Variants in HS3ST5 observed in about 807,000 individuals in gnomAD.
HS3ST5 encodes the protein heparan sulfate glucosamine 3-O-sulfotransferase 5.
A neutral mutation model predicts 25.4 loss-of-function variants in HS3ST5; 10 were observed. The ratio of observed to expected loss-of-function variants is 0.39; its 90% CI spans 0.24 to 0.67. The LOEUF is 0.67. Ranked by LOEUF, HS3ST5 falls within the 30% of genes least tolerant of loss-of-function variation. HS3ST5 has a pLI of 0.44. For missense variants in HS3ST5, 324 were observed against 420.7 expected, an observed-to-expected ratio of 0.77 and a Z score of 2.01; for synonymous variants, 170 against 162.4, an observed-to-expected ratio of 1.05 and a Z score of -0.36.
chr6:114,333,344 C>A (rs1432923199), intron 1 of HS3ST5, among the ~76,000 whole-genome samples: 3 of 152,076 alleles, frequency 2.0e-5, no homozygotes, highest in Non-Finnish European at 4.4e-5. Context: ...ACTGCCAATA[C>A]AGAAGAGCAA....
chr6:114,091,633 G>A (rs997468976), intron 3 of HS3ST5, among the ~76,000 whole-genome samples: 2 of 152,084 alleles, frequency 1.3e-5, no homozygotes, highest in East Asian at 3.9e-4. Context: ...GCTGTGAGCC[G>A]AGATTGCGCC....
In HS3ST5 at chr6:114,314,359, C is replaced by T. The variant is rs532905826; in HGVS notation, c.-339+27836G>A. ...TAACAACCACTACTTTAGACATAGACACAAATGATTCCTAAGCTAAGACAT... is the reference window on the plus strand; with the variant it reads ...TAACAACCACTACTTTAGACATAGATACAAATGATTCCTAAGCTAAGACAT... On this transcript the variant is annotated intron_variant, in intron 1 of 4. Transcript: ENST00000312719. Among the ~76,000 whole-genome samples, 48 of 152,286 alleles carry T rather than the reference C, an allele frequency of 3.2e-4. No individual in the cohort carries two copies. In the South Asian group the frequency reaches 8.7e-3, roughly 28 times the overall value.
chr6:114,285,986 A>G (rs1401119216), intron 1 of HS3ST5, among the ~76,000 whole-genome samples: 2 of 151,940 alleles, frequency 1.3e-5, no homozygotes, highest in Admixed American at 1.3e-4. Flanking sequence ...ATTAAAAAAA[A>G]TCGAAATATA....
chr6:114,063,723 GA>G (rs1275276130), intron 3 of HS3ST5, among the ~76,000 whole-genome samples: 1 of 152,162 alleles, frequency 6.6e-6, no homozygotes, highest in Non-Finnish European at 1.5e-5. Context: ...GATACTTACT[GA>G]AGTTATCAGT....
chr6:114,186,024 C>A (rs1780201338), intron 2 of HS3ST5, among the ~76,000 whole-genome samples: 1 of 152,026 alleles, frequency 6.6e-6, no homozygotes, highest in Non-Finnish European at 1.5e-5. Flanking sequence ...AGGCAGAGAA[C>A]TTAATCAATA....
chr6:114,139,799 A>G (rs1229338252), intron 3 of HS3ST5, among the ~76,000 whole-genome samples: 1 of 152,212 alleles, frequency 6.6e-6, no homozygotes, highest in Non-Finnish European at 1.5e-5. Flanking sequence ...GGTTCTGGTC[A>G]TACTGGCAGG....
In HS3ST5 at chr6:114,334,291, G is replaced by C. The variant is rs543336558; in HGVS notation, c.-339+7904C>G. 1.6e-4 allele frequency among the ~76,000 whole-genome samples: 24 copies of C among 152,228 alleles called. No homozygotes were observed. In the East Asian group the frequency reaches 3.1e-3, roughly 20 times the overall value. On this transcript the variant is annotated intron_variant, in intron 1 of 4. Coordinates refer to ENST00000312719, the MANE Select transcript of HS3ST5 (RefSeq NM_153612.4). ...GTGGCAAGCTTTTCCAATTCTCCAT[G>C]CTGCATCCCTGGGAAAAAGGCTCTT...
At chr6:114,217,619 T>C (rs1039082832) in intron 2 of HS3ST5, among the ~76,000 whole-genome samples, 7 of 152,182 alleles carry the variant, frequency 4.6e-5, no homozygotes, top group Non-Finnish European at 7.3e-5. Context: ...ACAATGTAGT[T>C]TACAATGTAA....
chr6:114,201,384 C>A (rs1781007808), intron 2 of HS3ST5, among the ~76,000 whole-genome samples: 1 of 152,190 alleles, frequency 6.6e-6, no homozygotes, highest in Non-Finnish European at 1.5e-5. Context: ...AAATCATAAT[C>A]TCCTACTTGT....
chr6:114,177,298 T>C (rs1779765713), intron 2 of HS3ST5, among the ~76,000 whole-genome samples: 1 of 152,206 alleles, frequency 6.6e-6, no homozygotes, highest in African/African-American at 2.4e-5. Flanking sequence ...TAGCCATACC[T>C]TTTCCTCCTT....
At chr6:114,337,625 G>C (rs547151953) in intron 1 of HS3ST5, among the ~76,000 whole-genome samples, 1 of 152,314 alleles carries the variant, frequency 6.6e-6, no homozygotes, top group South Asian at 2.1e-4. Context: ...AAGGACCGCT[G>C]TGGTTCAGGT....
At chr6:114,268,779 C>T (rs1325221155) in intron 1 of HS3ST5, among the ~76,000 whole-genome samples, 1 of 152,082 alleles carries the variant, frequency 6.6e-6, no homozygotes, top group African/African-American at 2.4e-5. Context: ...GGGATGGAAA[C>T]ACAGGATAGA....
At chr6:114,130,818 C>G (rs1294619236) in intron 3 of HS3ST5, among the ~76,000 whole-genome samples, 1 of 152,162 alleles carries the variant, frequency 6.6e-6, no homozygotes, top group Non-Finnish European at 1.5e-5. Flanking sequence ...ATCCGCCCAC[C>G]TTGGCCTCCC....
At chr6:114,234,662 C>A (rs903011447) in intron 1 of HS3ST5, among the ~76,000 whole-genome samples, 42 of 152,194 alleles carry the variant, frequency 2.8e-4, no homozygotes, top group Non-Finnish European at 1.5e-5. Context: ...TATGCTGTGC[C>A]TTTTCTGACA....
chr6:114,253,269 A>G (rs1037258097), intron 1 of HS3ST5, among the ~76,000 whole-genome samples: 10 of 152,232 alleles, frequency 6.6e-5, no homozygotes, highest in African/African-American at 2.4e-4. Flanking sequence ...TCAACATGTA[A>G]TCATAAAAAT....
chr6:114,265,843 G>A (rs1257448827), intron 1 of HS3ST5, among the ~76,000 whole-genome samples: 1 of 151,864 alleles, frequency 6.6e-6, no homozygotes, highest in Non-Finnish European at 1.5e-5. Flanking sequence ...TCTCTTCCCT[G>A]CCAATCCATT....
intron 1 of HS3ST5, among the ~76,000 whole-genome samples, chr6:114,259,974 ATAAGT>A (rs1291973322): frequency 6.6e-6 from 1 of 152,190 alleles, no homozygotes; most frequent in Non-Finnish European, 1.5e-5. Flanking sequence ...AAATGCAAAA[ATAAGT>A]TATCAAGTTG....
chr6:114,160,534 T>C (rs1304347670), intron 3 of HS3ST5, among the ~76,000 whole-genome samples: 4 of 152,202 alleles, frequency 2.6e-5, no homozygotes, highest in South Asian at 4.1e-4. Context: ...TAACTATATA[T>C]TAAATCAGTG....
At chr6:114,285,741 T>C (rs960187973) in intron 1 of HS3ST5, among the ~76,000 whole-genome samples, 6 of 152,104 alleles carry the variant, frequency 3.9e-5, no homozygotes, top group Non-Finnish European at 5.9e-5. Flanking sequence ...ACCTAGGTGA[T>C]GGGTTGATAG....
Sources: gnomAD v4.1 joint callset for allele counts (sites outside exome capture counted in the v4.1 genomes callset) on GRCh38, gnomAD v4.1.1 for gene constraint, MANE v1.5 for transcripts, NCBI Gene and HGNC (gene_info 2026-07-23, HGNC 2026-07-21) for gene names.